The following ZNF124 variants were observed in gnomAD, a reference collection of about 807,000 sequenced individuals.
ZNF124 encodes the protein zinc finger protein 124.
A neutral mutation model predicts 26.6 loss-of-function variants in ZNF124; 25 were observed. That is an observed-to-expected ratio of 0.94 (90% CI 0.68 to 1.31). The LOEUF (loss-of-function observed/expected upper bound fraction) is 1.31. Among genes scored for constraint, ZNF124 ranks in the 40% most tolerant of loss-of-function variants. The probability of loss-of-function intolerance (pLI) is 0.00; values close to 1 mark genes in which losing one functional copy is unlikely to be tolerated. For missense variants in ZNF124, 444 were observed against 422.2 expected (o/e 1.05, Z -0.45); for synonymous variants, 129 against 133.3 (o/e 0.97, Z 0.22).
intron 3 of ZNF124, among the ~76,000 whole-genome samples, chr1:247,142,987 A>T (rs1214238794): frequency 6.6e-6 from 1 of 152,120 alleles, no homozygotes. Flanking sequence ...TCCATTACAT[A>T]CTGATTAGAT....
chr1:247,167,493 G>C (rs777912301), intron 1 of ZNF124, among the ~76,000 whole-genome samples: 1 of 152,184 alleles, frequency 6.6e-6, no homozygotes, highest in Non-Finnish European at 1.5e-5. Flanking sequence ...TAAAGGAAGA[G>C]AGATTTTTCC....
At chr1:247,148,326 T>G (rs1315779240) in intron 3 of ZNF124, among the ~76,000 whole-genome samples, 1 of 152,242 alleles carries the variant, frequency 6.6e-6, no homozygotes, top group Non-Finnish European at 1.5e-5. Flanking sequence ...GTGAAGAATC[T>G]TTCTACTTTC....
chr1:247,157,634 C>T, intron 3 of ZNF124: 2 of 576,184 alleles, frequency 3.5e-6, no homozygotes, highest in Non-Finnish European at 6.3e-6. Flanking sequence ...TCTGAACTTA[C>T]ACTGCTACCA....
chr1:247,136,640 A>G (rs769941170), intron 3 of ZNF124, among the ~76,000 whole-genome samples: 14 of 152,148 alleles, frequency 9.2e-5, no homozygotes, highest in African/African-American at 3.4e-4. Flanking sequence ...ATTAGCAAAA[A>G]CTATTTAAAA....
intron 3 of ZNF124, among the ~76,000 whole-genome samples, chr1:247,131,497 A>G (rs995928941): frequency 6.6e-6 from 1 of 152,104 alleles, no homozygotes; most frequent in Non-Finnish European, 1.5e-5. Flanking sequence ...GGGGAGGGGC[A>G]GCAGCCAGTA....
intron 3 of ZNF124, among the ~76,000 whole-genome samples, chr1:247,135,718 C>A (rs1190011389): frequency 6.6e-6 from 1 of 152,098 alleles, no homozygotes; most frequent in African/African-American, 2.4e-5. Context: ...CTGGCAGAGA[C>A]ACAACAAAAA....
At chr1:247,135,275 A>C (rs1341638400) in intron 3 of ZNF124, among the ~76,000 whole-genome samples, 1 of 152,148 alleles carries the variant, frequency 6.6e-6, no homozygotes, top group Non-Finnish European at 1.5e-5. Context: ...ATTTGAAATA[A>C]TTAACAAAAT....
At chr1:247,138,772 A>T in intron 3 of ZNF124, 1 of 398,612 alleles carries the variant, frequency 2.5e-6, no homozygotes. Context: ...AGGAAAATTG[A>T]AAGTGTAATT....
intron 3 of ZNF124, among the ~76,000 whole-genome samples, chr1:247,147,083 T>G (rs1672802173): frequency 6.6e-6 from 1 of 151,878 alleles, no homozygotes. Context: ...CTGTGCAGAG[T>G]CCCATTGGTT....
intron 3 of ZNF124, among the ~76,000 whole-genome samples, chr1:247,131,604 C>T (rs971298967): frequency 8.5e-5 from 13 of 152,232 alleles, no homozygotes; most frequent in African/African-American, 3.1e-4. Flanking sequence ...CCTGCTTTAG[C>T]CAGGGAGGCT....
chr1:247,135,344 T>C (rs567891269), intron 3 of ZNF124, among the ~76,000 whole-genome samples: 2 of 152,138 alleles, frequency 1.3e-5, no homozygotes. Context: ...TAAAAAATGA[T>C]AAAGGGAGTT....
rs186044497 is a variant in ZNF124, at chr1:247,144,366, A to G, written c.218+14640T>C. Among the ~76,000 whole-genome samples the G allele has an allele frequency of 2.4e-4, 36 of 152,238 alleles. No individual in the cohort carries two copies. The East Asian group carries it at 6.6e-3, about 28-fold the overall frequency. ...AATGTTTACATAAAACTCAACCACA[A>G]CTAAGTTGGAGTATCATAATCCCAC... is the stretch of plus-strand genomic sequence containing the variant. On this transcript the variant is annotated intron_variant, in intron 3 of 3. Coordinates refer to the ZNF124 transcript ENST00000472531.
At chr1:247,151,251 G>A (rs183568409), downstream of ZNF124, among the ~76,000 whole-genome samples, 8 of 152,172 alleles carry the variant, frequency 5.3e-5, no homozygotes, top group East Asian at 5.8e-4. Flanking sequence ...AGGTCGAGGC[G>A]GGCGGATCAT....
chr1:247,137,487 C>CAAAAAAAAAAAAAAAAAAA (rs56926662), intron 3 of ZNF124, among the ~76,000 whole-genome samples: 2 of 81,632 alleles, frequency 2.5e-5, no homozygotes, highest in African/African-American at 4.4e-5. Context: ...ACTAAAAATA[C>CAAAAAAAAAAAAAAAAAAA]AAAAAAAAAA....
chr1:247,170,413 A>G (rs1377951222), intron 1 of ZNF124, among the ~76,000 whole-genome samples: 2 of 150,810 alleles, frequency 1.3e-5, no homozygotes, highest in Non-Finnish European at 1.5e-5. Context: ...TGCAAGTTCT[A>G]GAAGTTAGGC....
intron 1 of ZNF124, among the ~76,000 whole-genome samples, chr1:247,165,857 ATAC>A (rs1481152678): frequency 6.6e-6 from 1 of 152,204 alleles, no homozygotes; most frequent in African/African-American, 2.4e-5. Context: ...ATACCATCTT[ATAC>A]CAGTCATAAT....
intron 3 of ZNF124, among the ~76,000 whole-genome samples, chr1:247,144,573 G>A (rs1672712536): frequency 6.6e-6 from 1 of 151,886 alleles, no homozygotes; most frequent in African/African-American, 2.4e-5. Context: ...TGAGGTGGGT[G>A]TCAGCTAAAA....
chr1:247,147,228 CTT>C (rs549013458), intron 3 of ZNF124, among the ~76,000 whole-genome samples: 69 of 127,290 alleles, frequency 5.4e-4, no homozygotes, highest in Non-Finnish European at 5.2e-4. Flanking sequence ...ATTGGCTTAA[CTT>C]TTTTTTTTTT....
chr1:247,151,032 G>A (rs1672919429), downstream of ZNF124, among the ~76,000 whole-genome samples: 1 of 152,098 alleles, frequency 6.6e-6, no homozygotes, highest in Non-Finnish European at 1.5e-5. Flanking sequence ...CCCTAAAATA[G>A]CGGGAGATGA....
Sources: allele counts gnomAD v4.1 joint callset (sites outside exome capture counted in the v4.1 genomes callset), GRCh38; gene constraint gnomAD v4.1.1; transcripts MANE v1.5; gene names NCBI Gene and HGNC (gene_info 2026-07-23, HGNC 2026-07-21).